UNC80: variants seen among roughly 807,000 people sequenced by gnomAD.
UNC80 encodes the protein unc-80 subunit of NALCN channel complex.
Under a neutral mutation model 384.6 loss-of-function variants are expected in UNC80, and 164 were observed. The observed-to-expected ratio is 0.43, with a 90% CI of 0.38 to 0.49. The LOEUF (loss-of-function observed/expected upper bound fraction) is 0.49, where lower values mean the gene tolerates loss of function less well. UNC80 is among the 20% of genes least tolerant of loss of function. The pLI is 0.00. For synonymous variants in UNC80, 1,486 were observed against 1,527.8 expected, an observed-to-expected ratio of 0.97 and a Z score of 0.64; for missense variants, 3,330 against 4,143.0, an observed-to-expected ratio of 0.80 and a Z score of 5.39.
rs1036056877 is a variant in UNC80 at position 209,818,995 on chromosome 2, C to T, written c.1696C>T (p.Arg566Ter). The change falls in exon 12 of 65, where the codon CGA becomes TGA. Residue 566 changes from arginine to a stop codon, truncating the protein, a stop_gained and splice_region_variant. Coordinates refer to ENST00000673920, the MANE Select transcript of UNC80 (RefSeq NM_001371986.1). LOFTEE classifies it high-confidence loss of function. ...SHGENTVKEV[R>*]SQISTITVAT... is the part of the protein sequence containing the mutation. ...AGACATTGCTTTCATTTTATTAGTG[C>T]GATCTCAGATCTCCACCATCACAGT... is the stretch of plus-strand genomic sequence containing the variant. 4.5e-6 allele frequency: 7 copies of T among 1,550,624 alleles called. No individual in the cohort carries two copies. The highest frequency in any genetic ancestry group is 3.9e-5 in the Admixed American group (2 of 50,934).
chr2:209,869,344 C>T (rs1305415452), intron 22 of UNC80: 1 of 152,092 alleles, frequency 6.6e-6, no homozygotes, highest in African/African-American at 2.4e-5. Flanking sequence ...TCTAAACTAC[C>T]TTTTAAAAGG....
Position 209,825,920 on chromosome 2 carries a change from C to G in UNC80, c.2345C>G (p.Pro782Arg). 1 of 1,545,408 alleles carries G rather than the reference C, an allele frequency of 6.5e-7. No homozygotes were observed. The highest frequency in any genetic ancestry group is 8.7e-7 in the Non-Finnish European group (1 of 1,144,282). The change falls in exon 14 of 65, where the codon CCT (proline) becomes CGT (arginine). Residue 782 changes from proline to arginine, a missense_variant. This residue lies in a region of UNC80 where 937 missense variants were observed against 1,026.8 expected (regional missense o/e 0.91). Coordinates refer to ENST00000673920, the MANE Select transcript of UNC80 (RefSeq NM_001371986.1). ...DKNQEKDESTPVSNHRLALTM... is the reference protein window; with the variant it reads ...DKNQEKDESTRVSNHRLALTM... ...CGTGGGTACCAGGATGAAAGTACACCTGTAAGCAACCATAGGCTTGCTCTA... is the reference window on the plus strand; with the variant it reads ...CGTGGGTACCAGGATGAAAGTACACGTGTAAGCAACCATAGGCTTGCTCTA...
intron 22 of UNC80, among the ~76,000 whole-genome samples, chr2:209,863,800 T>C (rs1016014119): frequency 2.0e-5 from 3 of 152,012 alleles, no homozygotes; most frequent in African/African-American, 7.2e-5. Flanking sequence ...TAGCTCAGTG[T>C]GGTTTTCTAT....
intron 61 of UNC80, among the ~76,000 whole-genome samples, chr2:209,990,768 G>A (rs1460099049): frequency 1.3e-5 from 2 of 152,116 alleles, no homozygotes; most frequent in African/African-American, 4.8e-5. Context: ...ATATGTATAA[G>A]GATAATGCAC....
intron 22 of UNC80, among the ~76,000 whole-genome samples, chr2:209,858,264 T>C (rs1264708247): frequency 2.0e-5 from 3 of 152,248 alleles, no homozygotes; most frequent in Admixed American, 1.3e-4. Flanking sequence ...TTTTTAGTAA[T>C]ACTTTCTACC....
chr2:209,834,291 G>C, intron 17 of UNC80, 123 bp downstream of exon 17: 4 of 1,106,462 alleles, frequency 3.6e-6, no homozygotes, highest in Non-Finnish European at 5.1e-6. Flanking sequence ...ATTATCTTGC[G>C]TAAGTGGTTT....
intron 47 of UNC80, among the ~76,000 whole-genome samples, chr2:209,952,989 A>C (rs1045257682): frequency 6.6e-6 from 1 of 152,228 alleles, no homozygotes; most frequent in Non-Finnish European, 1.5e-5. Context: ...AGAGCATAGC[A>C]AAAACTCATT....
chr2:209,823,717 T>TAGAAA (rs1559149313), intron 13 of UNC80, among the ~76,000 whole-genome samples: 1 of 151,948 alleles, frequency 6.6e-6, no homozygotes, highest in Non-Finnish European at 1.5e-5. Flanking sequence ...TTTCTATTAT[T>TAGAAA]ATATGCCTTT....
At chr2:209,906,965 A>G (rs1422079580) in intron 29 of UNC80, among the ~76,000 whole-genome samples, 1 of 152,174 alleles carries the variant, frequency 6.6e-6, no homozygotes, top group Non-Finnish European at 1.5e-5. Flanking sequence ...TCTTACTGCT[A>G]TATTTTTTGC....
rs992042817 is a variant in UNC80, at chr2:209,970,876, C to T, written c.8175C>T (p.Pro2725=). The T allele has an allele frequency of 6.4e-7, 1 of 1,551,720 alleles. No homozygotes were observed. The highest frequency in any genetic ancestry group is 8.7e-7 in the Non-Finnish European group (1 of 1,147,000). The change falls in exon 54 of 65, where the codon CCC becomes CCT. Residue 2725 remains proline, a synonymous_variant. Coordinates refer to ENST00000673920, the MANE Select transcript of UNC80 (RefSeq NM_001371986.1). ...VGPSSVADGL[P]LLHLSPYLSP... ...CTTCCAGTGTTGCTGATGGATTACC[C>T]CTTCTTCATCTCAGCCCTTATCTCT...
At chr2:209,953,260 A>C (rs2092269535) in intron 47 of UNC80, among the ~76,000 whole-genome samples, 1 of 151,986 alleles carries the variant, frequency 6.6e-6, no homozygotes, top group African/African-American at 2.4e-5. Flanking sequence ...TCTACTAAAA[A>C]TACAAAAATT....
chr2:209,916,358 T>A (rs1253699389), intron 31 of UNC80, among the ~76,000 whole-genome samples: 2 of 152,204 alleles, frequency 1.3e-5, no homozygotes, highest in African/African-American at 4.8e-5. Flanking sequence ...AAAATAATTC[T>A]TCAAGGAGAT....
chr2:209,842,436 C>G lies in UNC80; in HGVS notation c.3444C>G (p.Phe1148Leu). Reference protein sequence around the residue: ...ENGRDEEENFFKRLGCHSFDD... With the variant: ...ENGRDEEENFLKRLGCHSFDD... ...GAAGAGATGAAGAGGAGAATTTCTTCAAGCGTCTTGGTAAATGTCATGCAT... is the reference window on the plus strand; with the variant it reads ...GAAGAGATGAAGAGGAGAATTTCTTGAAGCGTCTTGGTAAATGTCATGCAT... Residue 1148 changes from phenylalanine to leucine, a missense_variant, in exon 21 of 65, where the codon TTC (phenylalanine) becomes TTG (leucine). By Grantham distance (22) the Phe-to-Leu change is conservative. Around this residue, in one of 8 missense-constraint regions of UNC80, gnomAD observed 801 missense variants for 950.8 expected, o/e 0.84. Coordinates refer to ENST00000673920, the MANE Select transcript of UNC80 (RefSeq NM_001371986.1). 6.5e-7 allele frequency: 1 copy of G among 1,549,766 alleles called. No individual in the cohort carries two copies. Among genetic ancestry groups the G allele is most frequent in the Non-Finnish European group, 8.7e-7 (1 of 1,145,604 alleles).
At chr2:209,922,691 G>A (rs1166410100) in intron 35 of UNC80, among the ~76,000 whole-genome samples, 2 of 152,296 alleles carry the variant, frequency 1.3e-5, no homozygotes, top group South Asian at 2.1e-4. Context: ...AACCAACTGG[G>A]AAGCTTAAAA....
Position 209,964,481 on chromosome 2 carries a change from A to C in UNC80, c.7806-2956A>C, listed in dbSNP as rs572509908. Among the ~76,000 whole-genome samples the C allele has an allele frequency of 2.4e-3, 369 of 152,184 alleles. 4 individuals carry two copies. The highest frequency in any genetic ancestry group is 8.6e-3 in the African/African-American group (357 of 41,536). On this transcript the variant is annotated intron_variant, in intron 51 of 64. Transcript: ENST00000673920. ...CAAAATTCAGAGTGTTGCTACAGAG[A>C]ATTTCTTTAATAAATAACAAGATAA...
intron 42 of UNC80, among the ~76,000 whole-genome samples, chr2:209,938,700 CTCTCTCTCTCTGTG>C (rs1018664401): frequency 1.3e-5 from 2 of 150,356 alleles, no homozygotes; most frequent in African/African-American, 2.5e-5. Flanking sequence ...CTCTCTCTCT[CTCTCTCTCTCTGTG>C]TGTGTGTGTG....
chr2:209,793,013 A>G (rs2077921172), intron 6 of UNC80, among the ~76,000 whole-genome samples: 1 of 152,224 alleles, frequency 6.6e-6, no homozygotes, highest in Admixed American at 6.5e-5. Context: ...ATGATTGAAT[A>G]ATGCCTTATT....
intron 59 of UNC80, among the ~76,000 whole-genome samples, chr2:209,981,853 T>A (rs898559709): frequency 6.6e-6 from 1 of 152,240 alleles, no homozygotes; most frequent in Admixed American, 6.5e-5. Context: ...GGAATGTTTT[T>A]AAAAAATTAT....
intron 21 of UNC80, among the ~76,000 whole-genome samples, chr2:209,844,442 G>GCTCTT (rs2081987735): frequency 1.2e-5 from 1 of 80,044 alleles, no homozygotes; most frequent in Non-Finnish European, 2.5e-5. Context: ...CTCTTTTCTT[G>GCTCTT]CTCTTTTCTT....
Sources: allele counts gnomAD v4.1 joint callset (sites outside exome capture counted in the v4.1 genomes callset), GRCh38; gene constraint gnomAD v4.1.1; regional missense constraint gnomAD v4.1.1; transcripts MANE v1.5; gene names NCBI Gene and HGNC (gene_info 2026-07-23, HGNC 2026-07-21).